The following RALYL variants were observed in gnomAD, a reference collection of about 807,000 sequenced individuals.
The protein encoded by RALYL is RNA-binding Raly-like protein.
In RALYL, 29 loss-of-function variants were observed where a neutral mutation model predicts 35.1. That is an observed-to-expected ratio of 0.83 (90% CI 0.61 to 1.13). The LOEUF (loss-of-function observed/expected upper bound fraction) is 1.13, where lower values mean the gene tolerates loss of function less well. Ranked by LOEUF, RALYL falls within the 50% of genes most tolerant of loss-of-function variation. The probability of loss-of-function intolerance (pLI) is 0.00; values close to 1 mark genes in which losing one functional copy is unlikely to be tolerated. For synonymous variants in RALYL, 120 were observed against 127.6 expected, an observed-to-expected ratio of 0.94 and a Z score of 0.40; for missense variants, 359 against 360.4, an observed-to-expected ratio of 1.00 and a Z score of 0.03.
At chr8:84,355,180 G>T (rs1277849795) in intron 1 of RALYL, among the ~76,000 whole-genome samples, 3 of 150,236 alleles carry the variant, frequency 2.0e-5, no homozygotes, top group Non-Finnish European at 4.4e-5. Flanking sequence ...GGTCTTAAAA[G>T]TTCATTCTTC....
At chr8:84,210,671 G>A (rs1047635225) in intron 1 of RALYL, among the ~76,000 whole-genome samples, 1 of 152,070 alleles carries the variant, frequency 6.6e-6, no homozygotes, top group Admixed American at 6.6e-5. Flanking sequence ...CATGCTGTAA[G>A]GTCACGAGCC....
chr8:84,610,514 G>A (rs951279773), intron 2 of RALYL, among the ~76,000 whole-genome samples: 1 of 152,062 alleles, frequency 6.6e-6, no homozygotes. Flanking sequence ...TCAACCAGCT[G>A]AAGTAGTGTT....
chr8:84,523,503 A>AT (rs933406668), intron 1 of RALYL, among the ~76,000 whole-genome samples: 4 of 151,022 alleles, frequency 2.6e-5, no homozygotes, highest in Non-Finnish European at 5.9e-5. Context: ...GTTGTTTTTT[A>AT]TTTTTTTATT....
chr8:84,266,320 A>G (rs1833287916), intron 1 of RALYL, among the ~76,000 whole-genome samples: 1 of 152,100 alleles, frequency 6.6e-6, no homozygotes, highest in Admixed American at 6.6e-5. Context: ...GTGTCTTTCA[A>G]ATTAGCAAAA....
intron 2 of RALYL, among the ~76,000 whole-genome samples, chr8:84,601,955 A>T (rs1010611797): frequency 3.9e-5 from 6 of 152,064 alleles, no homozygotes; most frequent in African/African-American, 1.4e-4. Context: ...TTTTCTCTGT[A>T]GACTGTTCTT....
At chr8:84,797,443 C>T (rs764938029) in intron 3 of RALYL, among the ~76,000 whole-genome samples, 1 of 152,200 alleles carries the variant, frequency 6.6e-6, no homozygotes, top group Non-Finnish European at 1.5e-5. Context: ...TGTGAGAGAG[C>T]TTGGCAGAGT....
rs1851472721 is a variant in RALYL at position 84,354,495 on chromosome 8, C to A, written c.-24+170071C>A. Reference sequence around the variant, plus strand: ...GAGTCAGATCCTTCAAGACAACTCTCCACAGCTCTATTTCCCTGATTTCTC... The same window carrying A: ...GAGTCAGATCCTTCAAGACAACTCTACACAGCTCTATTTCCCTGATTTCTC... On this transcript the variant is annotated intron_variant, in intron 1 of 8. Coordinates refer to ENST00000521268, the MANE Select transcript of RALYL (RefSeq NM_173848.7). Among the ~76,000 whole-genome samples the A allele has an allele frequency of 2.0e-5, 3 of 150,492 alleles. No homozygotes were observed. In the South Asian group the frequency reaches 6.2e-4, roughly 31 times the overall value.
At chr8:84,547,964 C>T (rs1405436226) in intron 2 of RALYL, among the ~76,000 whole-genome samples, 1 of 151,988 alleles carries the variant, frequency 6.6e-6, no homozygotes, top group Non-Finnish European at 1.5e-5. Flanking sequence ...AAGTTGTAGC[C>T]TTTATCCTTG....
chr8:84,816,142 A>AAAG (rs1391098678), intron 4 of RALYL, among the ~76,000 whole-genome samples: 1 of 152,196 alleles, frequency 6.6e-6, no homozygotes, highest in African/African-American at 2.4e-5. Flanking sequence ...TTGCCTTGAA[A>AAAG]AAGTTATTAC....
intron 1 of RALYL, among the ~76,000 whole-genome samples, chr8:84,467,469 A>G (rs2051880729): frequency 6.6e-6 from 1 of 151,934 alleles, no homozygotes; most frequent in East Asian, 1.9e-4. Context: ...GGGATTCTTA[A>G]TCCTGAGTTC....
intron 1 of RALYL, among the ~76,000 whole-genome samples, chr8:84,217,828 T>C (rs1821189208): frequency 6.6e-6 from 1 of 152,136 alleles, no homozygotes; most frequent in African/African-American, 2.4e-5. Flanking sequence ...AGGAGCCTAA[T>C]AGAATTTCCC....
At chr8:84,560,985 G>C (rs538432632) in intron 2 of RALYL, among the ~76,000 whole-genome samples, 1 of 151,948 alleles carries the variant, frequency 6.6e-6, no homozygotes, top group Non-Finnish European at 1.5e-5. Flanking sequence ...TGAATTTAGG[G>C]AACCACTGAA....
chr8:84,744,021 A>G (rs1441269525), intron 2 of RALYL, among the ~76,000 whole-genome samples: 2 of 152,004 alleles, frequency 1.3e-5, no homozygotes, highest in Non-Finnish European at 2.9e-5. Context: ...GATAGTAGCA[A>G]TGATTGCACA....
intron 2 of RALYL, among the ~76,000 whole-genome samples, chr8:84,536,402 A>G (rs2059609796): frequency 1.3e-5 from 2 of 152,232 alleles, no homozygotes. Flanking sequence ...TCTCTAACAA[A>G]TACATTAGTT....
chr8:84,195,352 A>G (rs1486553954), intron 1 of RALYL, among the ~76,000 whole-genome samples: 1 of 152,132 alleles, frequency 6.6e-6, no homozygotes, highest in Non-Finnish European at 1.5e-5. Flanking sequence ...AGGAAGGAGA[A>G]TTGTTTGAAC....
chr8:84,576,635 A>G (rs1320613775), intron 2 of RALYL, among the ~76,000 whole-genome samples: 3 of 152,182 alleles, frequency 2.0e-5, no homozygotes, highest in African/African-American at 7.2e-5. Context: ...CACTATACTT[A>G]TCCATAAGGT....
At chr8:84,704,776 T>G (rs1430822777) in intron 2 of RALYL, among the ~76,000 whole-genome samples, 2 of 152,150 alleles carry the variant, frequency 1.3e-5, no homozygotes, top group Non-Finnish European at 2.9e-5. Flanking sequence ...AATATTATTC[T>G]TGGTATATGT....
intron 2 of RALYL, among the ~76,000 whole-genome samples, chr8:84,547,942 C>T (rs1365161917): frequency 6.6e-6 from 1 of 152,012 alleles, no homozygotes; most frequent in Admixed American, 6.6e-5. Flanking sequence ...TGAGTTGTTG[C>T]TTTTATCCTC....
At chr8:84,369,154 G>A (rs375194696) in intron 1 of RALYL, among the ~76,000 whole-genome samples, 2 of 151,968 alleles carry the variant, frequency 1.3e-5, no homozygotes, top group African/African-American at 2.4e-5. Flanking sequence ...GAAGTTTATC[G>A]CTGTCCTCAG....
Sources: allele counts gnomAD v4.1 joint callset (sites outside exome capture counted in the v4.1 genomes callset), GRCh38; gene constraint gnomAD v4.1.1; transcripts MANE v1.5; gene names NCBI Gene and HGNC (gene_info 2026-07-23, HGNC 2026-07-21).